The following ZNF536 variants were observed in gnomAD, a reference collection of about 807,000 sequenced individuals.
The protein encoded by ZNF536 is zinc finger protein 536.
ZNF536 carries 13 observed loss-of-function variants against 84.5 expected under a neutral mutation model. The observed-to-expected ratio is 0.15, with a 90% CI of 0.10 to 0.24. The LOEUF is 0.24. Ranked by LOEUF, ZNF536 falls within the 10% of genes least tolerant of loss-of-function variation. The pLI is 1.00. For missense variants in ZNF536, 1,536 were observed against 1,747.5 expected, an observed-to-expected ratio of 0.88 and a Z score of 2.16; for synonymous variants, 811 against 742.5, an observed-to-expected ratio of 1.09 and a Z score of -1.50.
At chr19:30,395,338 A>G (rs1004370495) in intron 1 of ZNF536, among the ~76,000 whole-genome samples, 4 of 152,216 alleles carry the variant, frequency 2.6e-5, no homozygotes, top group Non-Finnish European at 2.9e-5. Flanking sequence ...TGTTTGCAGT[A>G]TCTACAGTCA....
intron 1 of ZNF536, among the ~76,000 whole-genome samples, chr19:30,612,819 G>A (rs763436654): frequency 2.6e-5 from 4 of 152,118 alleles, no homozygotes; most frequent in South Asian, 4.1e-4. Context: ...GCAGTATTAC[G>A]AATTAATCTA....
intron 2 of ZNF536, among the ~76,000 whole-genome samples, chr19:30,306,016 C>T (rs117541509): frequency 5.3e-4 from 81 of 152,334 alleles, no homozygotes; most frequent in Non-Finnish European, 9.1e-4. Context: ...ATTTATTATG[C>T]TGACTGCAAC....
At chr19:30,439,955 CTTTCTTTTTTTTTTT>C (rs1196091609) in intron 1 of ZNF536, among the ~76,000 whole-genome samples, 1 of 133,046 alleles carries the variant, frequency 7.5e-6, no homozygotes, top group Non-Finnish European at 1.6e-5. Context: ...CTTTTTCTTT[CTTTCTTTTTTTTTTT>C]TTTTTTTTTT....
intron 1 of ZNF536, among the ~76,000 whole-genome samples, chr19:30,658,849 A>G (rs1208303430): frequency 1.3e-5 from 2 of 152,250 alleles, no homozygotes; most frequent in African/African-American, 4.8e-5. Context: ...GGTTCAGCAC[A>G]TATTTCTTGA....
intron 1 of ZNF536, among the ~76,000 whole-genome samples, chr19:30,407,911 G>A (rs1055832933): frequency 2.3e-4 from 35 of 152,120 alleles, no homozygotes; most frequent in African/African-American, 8.2e-4. Context: ...TGGGGACTGG[G>A]CTCCTTGTCT....
chr19:30,231,826 C>T (rs1175115211), intron 1 of ZNF536, among the ~76,000 whole-genome samples: 2 of 151,686 alleles, frequency 1.3e-5, no homozygotes, highest in Non-Finnish European at 2.9e-5. Flanking sequence ...GTGTGTCTGT[C>T]TGTCTGTGTG....
intron 1 of ZNF536, among the ~76,000 whole-genome samples, chr19:30,603,856 T>C (rs1291673544): frequency 6.6e-6 from 1 of 151,832 alleles, no homozygotes; most frequent in African/African-American, 2.4e-5. Context: ...TTGGGAGGCC[T>C]AGGGGGGTGG....
chr19:30,456,660 A>G (rs1320810319), intron 2 of ZNF536, among the ~76,000 whole-genome samples: 1 of 152,196 alleles, frequency 6.6e-6, no homozygotes, highest in Non-Finnish European at 1.5e-5. Context: ...TTGTTCAATC[A>G]TTAATTCACT....
At chr19:30,339,064 A>T (rs542325044) in intron 2 of ZNF536, among the ~76,000 whole-genome samples, 1 of 152,164 alleles carries the variant, frequency 6.6e-6, no homozygotes, top group Admixed American at 6.5e-5. Flanking sequence ...ACCCTGGCTG[A>T]TGTGTGGCTT....
At chr19:30,526,202 A>G (rs2044567440) in intron 2 of ZNF536, among the ~76,000 whole-genome samples, 1 of 152,206 alleles carries the variant, frequency 6.6e-6, no homozygotes, top group African/African-American at 2.4e-5. Flanking sequence ...CAATTCTGTG[A>G]ATCCCAAACC....
intron 1 of ZNF536, among the ~76,000 whole-genome samples, chr19:30,580,871 G>C (rs1318792965): frequency 6.6e-6 from 1 of 152,162 alleles, no homozygotes; most frequent in Non-Finnish European, 1.5e-5. Flanking sequence ...GATCAGATGG[G>C]GGCAGCAGAG....
chr19:30,578,277 G>A (rs2046807375), intron 1 of ZNF536, among the ~76,000 whole-genome samples: 1 of 152,222 alleles, frequency 6.6e-6, no homozygotes, highest in Non-Finnish European at 1.5e-5. Context: ...TAGAAACCTG[G>A]TCACTAGAGA....
At chr19:30,378,502 G>A (rs2048898371) in intron 1 of ZNF536, among the ~76,000 whole-genome samples, 1 of 152,120 alleles carries the variant, frequency 6.6e-6, no homozygotes, top group African/African-American at 2.4e-5. Flanking sequence ...TGCCAGGTTG[G>A]CCAGGTTGGT....
At chr19:30,699,977 CTT>C (rs201041639) in intron 1 of ZNF536, among the ~76,000 whole-genome samples, 2,577 of 152,222 alleles carry the variant, frequency 0.017, 75 homozygotes, top group African/African-American at 0.056. Context: ...TCCTTTCTCT[CTT>C]CTTTCTCTTT....
At chr19:30,516,591 T>C (rs1457765024) in intron 2 of ZNF536, among the ~76,000 whole-genome samples, 1 of 152,204 alleles carries the variant, frequency 6.6e-6, no homozygotes, top group Non-Finnish European at 1.5e-5. Context: ...TCAACCCACA[T>C]GTGTTCATTG....
chr19:30,524,032 C>T (rs543852460), intron 2 of ZNF536, among the ~76,000 whole-genome samples: 260 of 152,352 alleles, frequency 1.7e-3, no homozygotes, highest in Non-Finnish European at 2.9e-3. Flanking sequence ...AGGGGCATTG[C>T]CCCCACCCCG....
At chr19:30,588,667 A>C (rs1401684901) in intron 1 of ZNF536, among the ~76,000 whole-genome samples, 1 of 152,130 alleles carries the variant, frequency 6.6e-6, no homozygotes, top group Non-Finnish European at 1.5e-5. Flanking sequence ...ACAGTTTTTA[A>C]CCCAGAGAGA....
intron 3 of ZNF536, among the ~76,000 whole-genome samples, chr19:30,536,623 A>C (rs545046967): frequency 6.6e-6 from 1 of 152,266 alleles, no homozygotes; most frequent in African/African-American, 2.4e-5. Context: ...GAAATGCTCA[A>C]ATAAGTGAGT....
intron 2 of ZNF536, among the ~76,000 whole-genome samples, chr19:30,509,237 C>A (rs1478209806): frequency 6.9e-6 from 1 of 144,268 alleles, no homozygotes; most frequent in Non-Finnish European, 1.5e-5. Flanking sequence ...ATAATGTATA[C>A]AATATGTATA....
Sources: gnomAD v4.1 joint callset for allele counts (sites outside exome capture counted in the v4.1 genomes callset) on GRCh38, gnomAD v4.1.1 for gene constraint, MANE v1.5 for transcripts, NCBI Gene and HGNC (gene_info 2026-07-23, HGNC 2026-07-21) for gene names.